AP1S3: variants seen among roughly 807,000 people sequenced by gnomAD.
AP1S3 encodes adaptor related protein complex 1 subunit sigma 3.
In AP1S3, 10 loss-of-function variants were observed where a neutral mutation model predicts 20.9. The ratio of observed to expected loss-of-function variants is 0.48; its 90% CI spans 0.29 to 0.81. The LOEUF is 0.81. AP1S3 is among the 30% of genes least tolerant of loss of function. The probability of loss-of-function intolerance (pLI) is 0.08; values close to 1 mark genes in which losing one functional copy is unlikely to be tolerated. For synonymous variants in AP1S3, 41 were observed against 61.5 expected (o/e 0.67, Z 1.56); for missense variants, 154 against 183.8 (o/e 0.84, Z 0.94).
intron 1 of AP1S3, among the ~76,000 whole-genome samples, chr2:223,788,779 A>AGAAGAAG (rs1415640535): frequency 1.0e-4 from 15 of 146,444 alleles, no homozygotes; most frequent in African/African-American, 3.8e-4. Context: ...AAAAAAAAAA[A>AGAAGAAG]AAGAAGAAGA....
chr2:223,795,024 C>A (rs774390125), intron 1 of AP1S3, among the ~76,000 whole-genome samples: 3 of 152,108 alleles, frequency 2.0e-5, no homozygotes, highest in Non-Finnish European at 2.9e-5. Context: ...CCAAGGTGGG[C>A]GGATAACCTG....
chr2:223,829,547 G>C (rs756283191), intron 1 of AP1S3, among the ~76,000 whole-genome samples: 7 of 152,066 alleles, frequency 4.6e-5, no homozygotes, highest in Non-Finnish European at 1.0e-4. Context: ...GACCAACATG[G>C]AGAAACCTTG....
chr2:223,788,758 T>C (rs552870706), intron 1 of AP1S3, among the ~76,000 whole-genome samples: 438 of 137,138 alleles, frequency 3.2e-3, no homozygotes, highest in Non-Finnish European at 5.3e-3. Flanking sequence ...AGCAAGACTC[T>C]GTCTAAAAAA....
intron 1 of AP1S3, among the ~76,000 whole-genome samples, chr2:223,822,226 C>T (rs2106126637): frequency 6.6e-6 from 1 of 150,774 alleles, no homozygotes; most frequent in South Asian, 2.1e-4. Context: ...CTTGTCTCTA[C>T]AAAAAAAATA....
chr2:223,806,243 T>C (rs896761396), intron 1 of AP1S3, among the ~76,000 whole-genome samples: 4 of 151,496 alleles, frequency 2.6e-5, no homozygotes, highest in Non-Finnish European at 5.9e-5. Flanking sequence ...GTGAAAGGAA[T>C]GGTCACATTT....
At chr2:223,778,682 C>T (rs1690850219) in intron 1 of AP1S3, among the ~76,000 whole-genome samples, 2 of 151,040 alleles carry the variant, frequency 1.3e-5, no homozygotes, top group South Asian at 4.2e-4. Context: ...AAATGAGAAG[C>T]TGTCTTAAAT....
chr2:223,757,827 C>T lies in AP1S3; in HGVS notation c.*888G>A, dbSNP rs1029745803. On this transcript the variant is annotated 3_prime_UTR_variant, in exon 5 of 5. Coordinates refer to ENST00000396654, the MANE Select transcript of AP1S3 (RefSeq NM_001039569.2). ...TAAGTCTTCAAATGCATTAGAGATA[C>T]ATTAAAACATATTTGAAATGAAATT... The T allele has an allele frequency of 2.0e-6, 2 of 985,078 alleles. No individual in the cohort carries two copies. Among genetic ancestry groups the T allele is most frequent in the Non-Finnish European group, 2.4e-6 (2 of 829,788 alleles). The allele number at this position is 985,078 out of a possible 1,614,324, so 61.0% of individuals were successfully genotyped here.
At chr2:223,782,084 T>A (rs1209573205) in intron 1 of AP1S3, among the ~76,000 whole-genome samples, 1 of 150,490 alleles carries the variant, frequency 6.6e-6, no homozygotes, top group Non-Finnish European at 1.5e-5. Context: ...CCATCTTGGC[T>A]TACTGCAACC....
rs557138864 is a variant in AP1S3, at chr2:223,789,823, A to G, written c.4-11954T>C. Among the ~76,000 whole-genome samples, 1,264 of 141,508 alleles carry G rather than the reference A, an allele frequency of 8.9e-3. 21 individuals are homozygous for G. The highest frequency in any genetic ancestry group is 0.034 in the African/African-American group (1,191 of 35,392). The allele number at this position is 141,508 out of a possible 152,430, so 92.8% of individuals were successfully genotyped here. A position where few individuals can be genotyped will look rare whatever the true frequency, so the allele number is the denominator to read the frequency against. Reference sequence around the variant, plus strand: ...ACTCCACTCCAGCCTCGGTGATAGTACAAGACTCTATCAAAAAAAAAAAAA... The same window carrying G: ...ACTCCACTCCAGCCTCGGTGATAGTGCAAGACTCTATCAAAAAAAAAAAAA... On this transcript the variant is annotated intron_variant, in intron 1 of 4. Coordinates refer to ENST00000396654, the MANE Select transcript of AP1S3 (RefSeq NM_001039569.2).
At chr2:223,812,370 C>T (rs759115736) in intron 1 of AP1S3, among the ~76,000 whole-genome samples, 5 of 152,128 alleles carry the variant, frequency 3.3e-5, no homozygotes, top group African/African-American at 4.8e-5. Context: ...TATAGGCACG[C>T]GCCACCACGC....
intron 1 of AP1S3, among the ~76,000 whole-genome samples, chr2:223,836,460 C>A (rs1288718690): frequency 6.6e-6 from 1 of 152,202 alleles, no homozygotes; most frequent in African/African-American, 2.4e-5. Context: ...GCACACCATG[C>A]CGGGTGCAGT....
intron 1 of AP1S3, among the ~76,000 whole-genome samples, chr2:223,830,966 C>T (rs1692244029): frequency 6.6e-6 from 1 of 152,180 alleles, no homozygotes; most frequent in Admixed American, 6.6e-5. Flanking sequence ...TCAGTATCCC[C>T]TTTTCATTGT....
intron 4 of AP1S3, 157 bp downstream of exon 4, chr2:223,765,056 T>C: frequency 9.3e-7 from 1 of 1,074,402 alleles, no homozygotes; most frequent in Non-Finnish European, 1.2e-6. Flanking sequence ...TTTTTCGAGT[T>C]GTTGTGAGGA....
At chr2:223,833,500 T>G (rs1692324800) in intron 1 of AP1S3, among the ~76,000 whole-genome samples, 1 of 152,188 alleles carries the variant, frequency 6.6e-6, no homozygotes, top group Non-Finnish European at 1.5e-5. Flanking sequence ...GCACCAGATA[T>G]GAAATCTCTG....
chr2:223,837,040 G>A (rs1442337044), intron 1 of AP1S3, among the ~76,000 whole-genome samples: 1 of 152,074 alleles, frequency 6.6e-6, no homozygotes, highest in Non-Finnish European at 1.5e-5. Context: ...TCTTACTTTA[G>A]AAGTTCTCTT....
At chr2:223,792,288 T>A (rs781773706) in intron 1 of AP1S3, among the ~76,000 whole-genome samples, 1 of 151,696 alleles carries the variant, frequency 6.6e-6, no homozygotes, top group African/African-American at 2.4e-5. Context: ...CTTCAAACTA[T>A]GCTACAAGGC....
At chr2:223,834,700 T>C (rs1299624052) in intron 1 of AP1S3, among the ~76,000 whole-genome samples, 1 of 152,042 alleles carries the variant, frequency 6.6e-6, no homozygotes, top group South Asian at 2.1e-4. Context: ...GAGGCTGCTG[T>C]GAGCTGTGAT....
intron 1 of AP1S3, among the ~76,000 whole-genome samples, chr2:223,794,084 A>G (rs1019774400): frequency 9.9e-5 from 15 of 152,046 alleles, no homozygotes; most frequent in South Asian, 2.1e-4. Flanking sequence ...TTTTCCTACA[A>G]TAGGTTTCTT....
intron 1 of AP1S3, among the ~76,000 whole-genome samples, chr2:223,827,506 C>T (rs747075019): frequency 2.0e-5 from 3 of 151,968 alleles, no homozygotes; most frequent in Non-Finnish European, 2.9e-5. Context: ...CCTCAACCTC[C>T]GAAGTAACTG....
Sources: allele counts gnomAD v4.1 joint callset (sites outside exome capture counted in the v4.1 genomes callset), GRCh38; gene constraint gnomAD v4.1.1; transcripts MANE v1.5; gene names NCBI Gene and HGNC (gene_info 2026-07-23, HGNC 2026-07-21).